The following CACNA1D variants were observed in gnomAD, a reference collection of about 807,000 sequenced individuals.
CACNA1D encodes the protein calcium voltage-gated channel subunit alpha1 D.
Under a neutral mutation model 257.1 loss-of-function variants are expected in CACNA1D, and 55 were observed. That is an observed-to-expected ratio of 0.21 (90% CI 0.17 to 0.27). The LOEUF is 0.27. CACNA1D is among the 10% of genes least tolerant of loss of function. The probability of loss-of-function intolerance (pLI) is 1.00; values close to 1 mark genes in which losing one functional copy is unlikely to be tolerated. For missense variants in CACNA1D, 1,876 were observed against 2,784.0 expected, an observed-to-expected ratio of 0.67 and a Z score of 7.34; for synonymous variants, 980 against 1,014.9, an observed-to-expected ratio of 0.97 and a Z score of 0.65.
chr3:53,659,927 G>T (rs1484233756), intron 4 of CACNA1D, among the ~76,000 whole-genome samples: 3 of 152,242 alleles, frequency 2.0e-5, no homozygotes, highest in Admixed American at 6.5e-5. Flanking sequence ...GGTAAAAACA[G>T]ATGAGGTTAA....
intron 30 of CACNA1D, among the ~76,000 whole-genome samples, chr3:53,764,295 A>G (rs2095320061): frequency 6.6e-6 from 1 of 152,234 alleles, no homozygotes; most frequent in African/African-American, 2.4e-5. Context: ...GTTTATGGCT[A>G]GACATCTGCC....
intron 9 of CACNA1D, among the ~76,000 whole-genome samples, chr3:53,713,129 C>T (rs1203473903): frequency 6.6e-6 from 1 of 152,174 alleles, no homozygotes. Context: ...ACTTCTTGTG[C>T]CCTCCCCTCC....
rs1576622419 is a variant in CACNA1D at position 53,772,866 on chromosome 3, C to T, written c.4078C>T (p.Leu1360=). Reference sequence around the variant, plus strand: ...GTATGTGGCCCTCCTCATAGCCATGCTGTTCTTCATCTATGCGGTCATTGG... The same window carrying T: ...GTATGTGGCCCTCCTCATAGCCATGTTGTTCTTCATCTATGCGGTCATTGG... ...LPYVALLIAM[L]FFIYAVIGMQ... is the part of the protein sequence containing the mutation. The change falls in exon 33 of 48, where the codon CTG becomes TTG. Residue 1360 remains leucine (L), a synonymous_variant. Coordinates refer to ENST00000350061, the MANE Select transcript of CACNA1D (RefSeq NM_001128840.3). 1 of 1,614,022 alleles carries T rather than the reference C, an allele frequency of 6.2e-7. No homozygotes were observed. Among genetic ancestry groups the T allele is most frequent in the East Asian group, 2.2e-5 (1 of 44,854 alleles).
intron 40 of CACNA1D, among the ~76,000 whole-genome samples, chr3:53,792,638 C>T (rs1235190492): frequency 6.6e-6 from 1 of 152,096 alleles, no homozygotes; most frequent in Non-Finnish European, 1.5e-5. Context: ...CCTGGGAGGG[C>T]AGGAGTCCCA....
chr3:53,756,490 G>A (rs1399113626), intron 29 of CACNA1D, among the ~76,000 whole-genome samples: 6 of 152,198 alleles, frequency 3.9e-5, no homozygotes, highest in Non-Finnish European at 7.3e-5. Context: ...GAGCCGAAGC[G>A]CAAAAGCATC....
rs1042719173 is a variant in CACNA1D, at chr3:53,774,757, G to A, written c.4202+79G>A. 2 of 823,654 alleles carry A rather than the reference G, an allele frequency of 2.4e-6. No individual in the cohort carries two copies. Among genetic ancestry groups the A allele is most frequent in the Non-Finnish European group, 4.3e-6 (2 of 465,538 alleles). The allele number at this position is 823,654 out of a possible 1,614,324, so 51.0% of individuals were successfully genotyped here. ...GGGTCCAGAGGGACGGAGGACACAGGTTATTAAAGCAGTGTGCCTTTCTCA... is the reference window on the plus strand; with the variant it reads ...GGGTCCAGAGGGACGGAGGACACAGATTATTAAAGCAGTGTGCCTTTCTCA... On this transcript the variant is annotated intron_variant, in intron 34 of 47. Transcript: ENST00000350061. The surrounding 1 kb of genome is among the most constrained non-coding windows in gnomAD (Gnocchi z 4.3).
rs549769042 is a variant in CACNA1D, at chr3:53,723,275, G to T, written c.1667-159G>T. ...AGAACCTGGTGGACAGACTGTCCAC[G>T]CGAAGGCCACGTTTCTGTCCTGAGT... On this transcript the variant is annotated intron_variant, in intron 12 of 47. Transcript: ENST00000350061. The surrounding 1 kb of genome is among the most constrained non-coding windows in gnomAD (Gnocchi z 5.6). 6.6e-6 allele frequency among the ~76,000 whole-genome samples: 1 copy of T among 152,112 alleles called. No individual in the cohort carries two copies. The highest frequency in any genetic ancestry group is 1.5e-5 in the Non-Finnish European group (1 of 68,026).
At chr3:53,511,907 A>G (rs1184488379) in intron 3 of CACNA1D, among the ~76,000 whole-genome samples, 1 of 152,184 alleles carries the variant, frequency 6.6e-6, no homozygotes. Flanking sequence ...ATGTGGTTTT[A>G]TTATTTTACT....
At chr3:53,786,732 C>T (rs889695400) in intron 39 of CACNA1D, 90 bp from the exon 40 acceptor site, 8 of 542,364 alleles carry the variant, frequency 1.5e-5, no homozygotes, top group African/African-American at 1.4e-4. Context: ...CCCCACTCTG[C>T]CCCTGCCCCT....
At chr3:53,807,866 A>G (rs1184759786) in intron 45 of CACNA1D, 3 of 152,228 alleles carry the variant, frequency 2.0e-5, no homozygotes, top group East Asian at 1.9e-4. Flanking sequence ...ATCTTTCCCA[A>G]CAAAAATAAT....
intron 3 of CACNA1D, among the ~76,000 whole-genome samples, chr3:53,630,562 C>G (rs781554301): frequency 1.1e-4 from 16 of 152,210 alleles, no homozygotes; most frequent in Non-Finnish European, 2.4e-4. Context: ...AAGCAAACAG[C>G]TCAACTCTTG....
At chr3:53,805,804 CTATCT>C in intron 45 of CACNA1D, among the ~76,000 whole-genome samples, 1 of 135,468 alleles carries the variant, frequency 7.4e-6, no homozygotes, top group Admixed American at 7.2e-5. Flanking sequence ...TCCTCCTCCT[CTATCT>C]TCCCTCCTCC....
intron 3 of CACNA1D, among the ~76,000 whole-genome samples, chr3:53,571,753 G>C (rs1320757764): frequency 6.6e-6 from 1 of 152,128 alleles, no homozygotes; most frequent in Admixed American, 6.5e-5. Flanking sequence ...CGCAATTTGT[G>C]TCTCTGCATA....
chr3:53,719,604 C>G, intron 10 of CACNA1D, 151 bp from the exon 11 acceptor site: 1 of 778,378 alleles, frequency 1.3e-6, no homozygotes, highest in Non-Finnish European at 2.3e-6. Flanking sequence ...AATTTCTGCT[C>G]TGGCCTTGCC....
intron 2 of CACNA1D, among the ~76,000 whole-genome samples, chr3:53,498,548 G>A (rs1465061404): frequency 6.6e-6 from 1 of 152,140 alleles, no homozygotes; most frequent in Non-Finnish European, 1.5e-5. Flanking sequence ...AGGGGCCTTA[G>A]AACAGTTCCT....
In CACNA1D at chr3:53,789,930, C is replaced by T. The variant is rs1042438217; in HGVS notation, c.4923+2978C>T. Among the ~76,000 whole-genome samples the T allele has an allele frequency of 2.0e-5, 3 of 152,202 alleles. No individual in the cohort carries two copies. The highest frequency in any genetic ancestry group is 4.4e-5 in the Non-Finnish European group (3 of 68,042). On this transcript the variant is annotated intron_variant, in intron 40 of 47. Coordinates refer to ENST00000350061, the MANE Select transcript of CACNA1D (RefSeq NM_001128840.3). This position sits in a 1 kb window ranked among gnomAD's most constrained non-coding sequence, Gnocchi z 4.2. ...CACATGAAGGGGAATGGCTTGAGCT[C>T]CTGGATCCATGTGTGGGAAGGAGCT...
In CACNA1D at chr3:53,810,297, C is replaced by A. The variant is rs1452245238; in HGVS notation, c.6191C>A (p.Ala2064Glu). 6.2e-7 allele frequency: 1 copy of A among 1,613,484 alleles called. No homozygotes were observed. The highest frequency in any genetic ancestry group is 1.1e-5 in the South Asian group (1 of 91,082). The stretch of plus-strand genomic sequence containing the variant: ...AGGAGTGCGGACAGCTTGGTGGAGG[C>A]AGTGAGTACGGTTCTTGGCCGTGGT... ...KQRSADSLVE[A>E]VLISEGLGRY... Residue 2064 changes from alanine (A) to glutamate (E), a missense_variant and splice_region_variant, in exon 47 of 48, where the codon GCA (alanine) becomes GAA (glutamate). Coordinates refer to ENST00000350061, the MANE Select transcript of CACNA1D (RefSeq NM_001128840.3).
At chr3:53,725,746 C>T (rs895119732) in intron 14 of CACNA1D, among the ~76,000 whole-genome samples, 1 of 152,218 alleles carries the variant, frequency 6.6e-6, no homozygotes, top group Admixed American at 6.5e-5. Context: ...CTGTGAATTA[C>T]TTTATCTTTT....
intron 7 of CACNA1D, among the ~76,000 whole-genome samples, chr3:53,667,537 A>G (rs1046568667): frequency 1.3e-5 from 2 of 152,170 alleles, no homozygotes; most frequent in African/African-American, 2.4e-5. Flanking sequence ...GTAAATTGAT[A>G]AGTAGCTTCT....
Sources: allele counts gnomAD v4.1 joint callset (sites outside exome capture counted in the v4.1 genomes callset), GRCh38; gene constraint gnomAD v4.1.1; non-coding constraint Gnocchi (gnomAD v3.1); transcripts MANE v1.5; gene names NCBI Gene and HGNC (gene_info 2026-07-23, HGNC 2026-07-21).